Variants in MRPL50 observed in about 807,000 individuals in gnomAD.
The protein encoded by MRPL50 is large ribosomal subunit protein mL50.
MRPL50 carries 10 observed loss-of-function variants against 16.2 expected under a neutral mutation model. That is an observed-to-expected ratio of 0.62 (90% CI 0.38 to 1.05). MRPL50 has a LOEUF of 1.05. Among genes scored for constraint, MRPL50 ranks in the 50% least tolerant of loss-of-function variants. MRPL50 has a pLI of 0.01. For missense variants in MRPL50, 213 were observed against 187.1 expected (o/e 1.14, Z -0.81); for synonymous variants, 68 against 66.8 (o/e 1.02, Z -0.09).
chr9:101,390,666 C>G lies in MRPL50; in HGVS notation c.277G>C (p.Asp93His), dbSNP rs140172057. ...PSNWQDISLEDSRLKFNLLAH... is the reference protein window; with the variant it reads ...PSNWQDISLEHSRLKFNLLAH... The stretch of plus-strand genomic sequence containing the variant: ...AGAAGATTGAACTTTAGACGACTAT[C>G]TTCCAGGGAGATGTCTTGCCAATTA... The change falls in exon 2 of 2, where the codon GAT becomes CAT. Residue 93 changes from aspartate (D) to histidine (H), a missense_variant. Asp to His is a moderately conservative substitution (Grantham distance 81). Coordinates refer to ENST00000374865, the MANE Select transcript of MRPL50 (RefSeq NM_019051.3). 10 of 1,613,142 alleles carry G rather than the reference C, an allele frequency of 6.2e-6. No individual in the cohort carries two copies. Among genetic ancestry groups the G allele is most frequent in the Non-Finnish European group, 8.5e-6 (10 of 1,179,428 alleles).
In MRPL50 at chr9:101,389,432, G is replaced by A. The variant is rs867228364; in HGVS notation, c.*1034C>T. 1.6e-6 allele frequency: 2 copies of A among 1,279,334 alleles called. No homozygotes were observed. Among genetic ancestry groups the A allele is most frequent in the Middle Eastern group, 4.3e-4 (2 of 4,668 alleles). 79.2% of individuals were successfully genotyped at this position (1,279,334 alleles called of 1,614,324 possible). A position where few individuals can be genotyped will look rare whatever the true frequency, so the allele number is the denominator to read the frequency against. The stretch of plus-strand genomic sequence containing the variant: ...TATACTGTTAACTAATTTTCTTCAT[G>A]AAGATTCCAGAATTTATATTCCCAA... On this transcript the variant is annotated 3_prime_UTR_variant, in exon 2 of 2. Transcript: ENST00000374865.
At chr9:101,395,342 T>C (rs759743130) in intron 1 of MRPL50, among the ~76,000 whole-genome samples, 3 of 152,150 alleles carry the variant, frequency 2.0e-5, no homozygotes, top group Non-Finnish European at 4.4e-5. Context: ...ACAACTGCTA[T>C]GGAGAAAAGC....
Position 101,390,324 on chromosome 9 carries a change from A to G in MRPL50, c.*142T>C. On this transcript the variant is annotated 3_prime_UTR_variant, in exon 2 of 2. Transcript: ENST00000374865. The stretch of plus-strand genomic sequence containing the variant: ...CATTTGTAATATGAGAAAAAAAAAG[A>G]TGATACATTCCTCTACAGAAAAAGT... 7.4e-7 allele frequency: 1 copy of G among 1,357,544 alleles called. No homozygotes were observed. The highest frequency in any genetic ancestry group is 9.5e-7 in the Non-Finnish European group (1 of 1,052,488). The allele number at this position is 1,357,544 out of a possible 1,614,324, so 84.1% of individuals were successfully genotyped here.
intron 1 of MRPL50, among the ~76,000 whole-genome samples, chr9:101,394,774 C>T (rs1356763538): frequency 6.6e-6 from 1 of 151,496 alleles, no homozygotes; most frequent in Non-Finnish European, 1.5e-5. Context: ...AAAGCACAGG[C>T]AATAAGAACA....
Position 101,390,825 on chromosome 9 carries a change from C to G in MRPL50, c.118G>C (p.Glu40Gln). The G allele has an allele frequency of 5.6e-6, 9 of 1,601,926 alleles. No individual in the cohort carries two copies. The highest frequency in any genetic ancestry group is 7.7e-6 in the Non-Finnish European group (9 of 1,175,812). The change falls in exon 2 of 2, where the codon GAG (glutamate) becomes CAG (glutamine). Residue 40 changes from glutamate to glutamine, a missense_variant. Physicochemically the swap from Glu to Gln is conservative, Grantham distance 29. Coordinates refer to ENST00000374865, the MANE Select transcript of MRPL50 (RefSeq NM_019051.3). Reference protein sequence around the residue: ...FRKEKEPVVVETVEEKKEPIL... With the variant: ...FRKEKEPVVVQTVEEKKEPIL... ...GGTTCCTTTTTCTCTTCTACTGTCT[C>G]AACAACCACTGGCTCTTTCTCTTTT...
Position 101,390,300 on chromosome 9 carries a change from A to C in MRPL50, c.*166T>G. The C allele has an allele frequency of 7.5e-7, 1 of 1,325,048 alleles. No homozygotes were observed. The highest frequency in any genetic ancestry group is 9.6e-7 in the Non-Finnish European group (1 of 1,037,700). 82.1% of individuals were successfully genotyped at this position (1,325,048 alleles called of 1,614,324 possible). On this transcript the variant is annotated 3_prime_UTR_variant, in exon 2 of 2. Transcript: ENST00000374865. Reference sequence around the variant, plus strand: ...AAAATAGAAAGTCCGTTATTTGTCCATTTGTAATATGAGAAAAAAAAAGAT... The same window carrying C: ...AAAATAGAAAGTCCGTTATTTGTCCCTTTGTAATATGAGAAAAAAAAAGAT...
At chr9:101,395,174 AT>A (rs548770960) in intron 1 of MRPL50, among the ~76,000 whole-genome samples, 125 of 152,330 alleles carry the variant, frequency 8.2e-4, no homozygotes, top group Non-Finnish European at 1.5e-3. Context: ...TATAAAAAAA[AT>A]GATCTCTAAT....
chr9:101,398,446 C>G (rs1285828150), intron 1 of MRPL50, 55 bp downstream of exon 1: 2 of 1,523,564 alleles, frequency 1.3e-6, no homozygotes, highest in Non-Finnish European at 1.8e-6. Flanking sequence ...GAATTCGTCC[C>G]TAATCCTCCT....
intron 1 of MRPL50, 45 bp from the exon 2 acceptor site, chr9:101,390,895 AC>A (rs754752808): frequency 6.5e-7 from 1 of 1,537,134 alleles, no homozygotes; most frequent in East Asian, 2.3e-5. Context: ...AATGAAGTTG[AC>A]AAACACCAGA....
At chr9:101,396,208 T>C (rs975079910) in intron 1 of MRPL50, among the ~76,000 whole-genome samples, 1 of 152,186 alleles carries the variant, frequency 6.6e-6, no homozygotes, top group Non-Finnish European at 1.5e-5. Flanking sequence ...GGAATGAATA[T>C]TGGCATAGCC....
intron 1 of MRPL50, among the ~76,000 whole-genome samples, chr9:101,395,652 T>C (rs1263355899): frequency 1.3e-5 from 2 of 149,978 alleles, no homozygotes; most frequent in African/African-American, 4.9e-5. Context: ...TTTAGTGAAA[T>C]AAGCCAGGTG....
intron 1 of MRPL50, among the ~76,000 whole-genome samples, chr9:101,396,877 G>A (rs936248259): frequency 3.3e-5 from 5 of 152,104 alleles, no homozygotes; most frequent in African/African-American, 1.2e-4. Flanking sequence ...GGGAGGCGGA[G>A]GTTGCAGTGA....
chr9:101,390,639 C>G lies in MRPL50; in HGVS notation c.304G>C (p.Ala102Pro), dbSNP rs747028372. ...EDSRLKFNLL[A>P]HLADDLGHVV... Reference sequence around the variant, plus strand: ...TGACCCAAGTCATCAGCTAAATGAGCCAGAAGATTGAACTTTAGACGACTA... The same window carrying G: ...TGACCCAAGTCATCAGCTAAATGAGGCAGAAGATTGAACTTTAGACGACTA... The change falls in exon 2 of 2, where the codon GCT becomes CCT. Residue 102 changes from alanine (A) to proline (P), a missense_variant. Ala to Pro is a conservative substitution (Grantham distance 27). Transcript: ENST00000374865. 8 of 1,613,432 alleles carry G rather than the reference C, an allele frequency of 5.0e-6. No homozygotes were observed. Among genetic ancestry groups the G allele is most frequent in the Non-Finnish European group, 5.9e-6 (7 of 1,179,542 alleles).
chr9:101,398,148 C>T (rs551741496), intron 1 of MRPL50, among the ~76,000 whole-genome samples: 2 of 152,186 alleles, frequency 1.3e-5, no homozygotes, highest in African/African-American at 4.8e-5. Context: ...TGAAGAAACA[C>T]AGCCGGCAAA....
At chr9:101,398,475 A>C (rs1588151401) in intron 1 of MRPL50, 26 bp downstream of exon 1, 2 of 1,596,214 alleles carry the variant, frequency 1.3e-6, no homozygotes, top group Non-Finnish European at 1.7e-6. Context: ...CTTGAACATG[A>C]CCCACCGTCC....
chr9:101,391,349 G>A (rs867033000), intron 1 of MRPL50, among the ~76,000 whole-genome samples: 1 of 152,046 alleles, frequency 6.6e-6, no homozygotes, highest in African/African-American at 2.4e-5. Flanking sequence ...CTTCCAAGAT[G>A]CTTTACCTAA....
rs750875650 is a variant in MRPL50 at position 101,398,565 on chromosome 9, T to A, written c.28A>T (p.Thr10Ser). The stretch of plus-strand genomic sequence containing the variant: ...ACTGTCCACATGAAGACTCTTCTGG[T>A]AATGCCCGACACAGATCGCGCCGCC... MAARSVSGITRRVFMWTVSG... is the reference protein window; with the variant it reads MAARSVSGISRRVFMWTVSG... The change falls in exon 1 of 2, where the codon ACC becomes TCC. Residue 10 changes from threonine (T) to serine (S), a missense_variant. Transcript: ENST00000374865. The A allele has an allele frequency of 7.4e-6, 12 of 1,613,992 alleles. No homozygotes were observed. In the Admixed American group the frequency reaches 2.0e-4, roughly 27 times the overall value.
intron 1 of MRPL50, among the ~76,000 whole-genome samples, chr9:101,397,782 G>T (rs1180150213): frequency 6.6e-6 from 1 of 152,140 alleles, no homozygotes; most frequent in African/African-American, 2.4e-5. Context: ...GCTCCCTAGG[G>T]TTCCTACCAT....
Sources: gnomAD v4.1 joint callset for allele counts (sites outside exome capture counted in the v4.1 genomes callset) on GRCh38, gnomAD v4.1.1 for gene constraint, MANE v1.5 for transcripts, NCBI Gene and HGNC (gene_info 2026-07-23, HGNC 2026-07-21) for gene names.